ARHGAP39: variants seen among roughly 807,000 people sequenced by gnomAD.
ARHGAP39 encodes the protein rho GTPase-activating protein 39.
In ARHGAP39, 44 loss-of-function variants were observed where a neutral mutation model predicts 106.9. The ratio of observed to expected loss-of-function variants is 0.41; its 90% CI spans 0.32 to 0.53. The LOEUF (loss-of-function observed/expected upper bound fraction) is 0.53. Among genes scored for constraint, ARHGAP39 ranks in the 20% least tolerant of loss-of-function variants. The pLI is 0.21. For synonymous variants in ARHGAP39, 768 were observed against 693.2 expected (o/e 1.11, Z -1.69); for missense variants, 1,496 against 1,577.3 (o/e 0.95, Z 0.87).
chr8:144,618,047 G>A (rs940909920), intron 1 of ARHGAP39, among the ~76,000 whole-genome samples: 1 of 152,182 alleles, frequency 6.6e-6, no homozygotes, highest in African/African-American at 2.4e-5. Flanking sequence ...CTCCCAAAGT[G>A]CTGGGATTCC....
At chr8:144,611,554 T>C (rs1820490552) in intron 1 of ARHGAP39, among the ~76,000 whole-genome samples, 1 of 152,264 alleles carries the variant, frequency 6.6e-6, no homozygotes. Flanking sequence ...TTACAGTGTC[T>C]TCTTGATGAA....
chr8:144,545,232 C>A lies in ARHGAP39; in HGVS notation c.2521+17G>T. 1 of 1,493,274 alleles carries A rather than the reference C, an allele frequency of 6.7e-7. No homozygotes were observed. Among genetic ancestry groups the A allele is most frequent in the Non-Finnish European group, 9.0e-7 (1 of 1,113,710 alleles). 92.5% of individuals were successfully genotyped at this position (1,493,274 alleles called of 1,614,324 possible). A position where few individuals can be genotyped will look rare whatever the true frequency, so the allele number is the denominator to read the frequency against. The stretch of plus-strand genomic sequence containing the variant: ...GCCCTTACCTGAGCTGGTGGCAAAG[C>A]CCGTGCATGGCCTTACCTTTAGTGT... On this transcript the variant is annotated intron_variant, in intron 6 of 11. Transcript: ENST00000377307.
chr8:144,564,359 TC>T (rs1435291179), intron 3 of ARHGAP39, among the ~76,000 whole-genome samples: 1 of 152,202 alleles, frequency 6.6e-6, no homozygotes, highest in Non-Finnish European at 1.5e-5. Flanking sequence ...ACTTGGTGCT[TC>T]CCCTGCTGGG....
At chr8:144,654,460 C>T (rs903851895) in intron 1 of ARHGAP39, among the ~76,000 whole-genome samples, 2 of 152,172 alleles carry the variant, frequency 1.3e-5, no homozygotes, top group African/African-American at 4.8e-5. Context: ...TCTGTGATCA[C>T]ACTACTGCAT....
chr8:144,565,764 CAT>C (rs1818371405), intron 3 of ARHGAP39, among the ~76,000 whole-genome samples: 1 of 152,008 alleles, frequency 6.6e-6, no homozygotes, highest in African/African-American at 2.4e-5. Context: ...TGACCTGACA[CAT>C]AACTGCAGTG....
chr8:144,577,944 C>T (rs1248724800), intron 3 of ARHGAP39, among the ~76,000 whole-genome samples: 1 of 152,120 alleles, frequency 6.6e-6, no homozygotes, highest in African/African-American at 2.4e-5. Flanking sequence ...TATCAGCTTA[C>T]AGATCCAACA....
intron 1 of ARHGAP39, among the ~76,000 whole-genome samples, chr8:144,620,508 C>T (rs11993550): frequency 4.7e-4 from 59 of 126,298 alleles, no homozygotes; most frequent in African/African-American, 1.4e-3. Context: ...CAAGGGAGCA[C>T]GTGTGCCCGT....
At chr8:144,662,521 C>A (rs571438687) in intron 1 of ARHGAP39, among the ~76,000 whole-genome samples, 5 of 149,866 alleles carry the variant, frequency 3.3e-5, no homozygotes, top group African/African-American at 1.2e-4. Flanking sequence ...CAGCATTATC[C>A]ACCTTGAACC....
Position 144,586,983 on chromosome 8 carries a change from C to T in ARHGAP39, c.81-5706G>A, listed in dbSNP as rs1242401366. The stretch of plus-strand genomic sequence containing the variant: ...GGAGGTAACTGAATCATGGGGGTGG[C>T]CTCCCCCATCCTGTTCTCGTGATAG... On this transcript the variant is annotated intron_variant, in intron 2 of 11. Coordinates refer to ENST00000377307, the MANE Select transcript of ARHGAP39 (RefSeq NM_025251.3). The surrounding 1 kb of genome is among the most constrained non-coding windows in gnomAD (Gnocchi z 4.2). Among the ~76,000 whole-genome samples the T allele has an allele frequency of 6.6e-6, 1 of 152,114 alleles. No individual in the cohort carries two copies. Among genetic ancestry groups the T allele is most frequent in the Non-Finnish European group, 1.5e-5 (1 of 68,024 alleles).
At chr8:144,693,514 C>T in the ARHGAP39 span, among the ~76,000 whole-genome samples, 7 of 152,168 alleles carry the variant, frequency 4.6e-5, no homozygotes, top group African/African-American at 1.7e-4. Flanking sequence ...GCTGGGACTA[C>T]AGGCGCCCGC....
intron 1 of ARHGAP39, among the ~76,000 whole-genome samples, chr8:144,627,201 G>T (rs1442022440): frequency 1.3e-5 from 2 of 152,194 alleles, no homozygotes. Context: ...GGACACAGGA[G>T]GGGGCTCTGG....
rs549276683 is a variant in ARHGAP39 at position 144,604,165 on chromosome 8, C to A, written c.80+1370G>T. 1.3e-5 allele frequency among the ~76,000 whole-genome samples: 2 copies of A among 152,304 alleles called. No individual in the cohort carries two copies. The highest frequency in any genetic ancestry group is 6.5e-5 in the Admixed American group (1 of 15,302). On this transcript the variant is annotated intron_variant, in intron 2 of 11. Coordinates refer to ENST00000377307, the MANE Select transcript of ARHGAP39 (RefSeq NM_025251.3). The surrounding 1 kb of genome is among the most constrained non-coding windows in gnomAD (Gnocchi z 4.1). ...GAGGCACAAAGCATCAGACACGGAGCCGGGCCCAGAGCGCCCAGAGGTGGC... is the reference window on the plus strand; with the variant it reads ...GAGGCACAAAGCATCAGACACGGAGACGGGCCCAGAGCGCCCAGAGGTGGC...
intron 2 of ARHGAP39, among the ~76,000 whole-genome samples, chr8:144,582,954 G>A (rs191688282): frequency 5.0e-4 from 76 of 152,252 alleles, no homozygotes; most frequent in Non-Finnish European, 9.7e-4. Flanking sequence ...CAAATGCCTC[G>A]GCTTGCTCGG....
chr8:144,672,487 G>A (rs773986106), intron 1 of ARHGAP39, among the ~76,000 whole-genome samples: 3 of 152,188 alleles, frequency 2.0e-5, no homozygotes, highest in Non-Finnish European at 4.4e-5. Context: ...TGGCAAGAAA[G>A]GAAAATAGAC....
intron 1 of ARHGAP39, among the ~76,000 whole-genome samples, chr8:144,665,940 G>T (rs951583754): frequency 2.0e-5 from 3 of 152,176 alleles, no homozygotes; most frequent in African/African-American, 4.8e-5. Context: ...AGCTTGCACC[G>T]TGTGCCTGGA....
At chr8:144,597,336 A>G (rs1360909791) in intron 2 of ARHGAP39, among the ~76,000 whole-genome samples, 3 of 152,102 alleles carry the variant, frequency 2.0e-5, no homozygotes, top group Admixed American at 6.5e-5. Flanking sequence ...CCAAAGCCCA[A>G]CGTCTTCTCT....
At chr8:144,588,274 G>A (rs1173165413) in intron 2 of ARHGAP39, among the ~76,000 whole-genome samples, 1 of 152,262 alleles carries the variant, frequency 6.6e-6, no homozygotes, top group Non-Finnish European at 1.5e-5. Flanking sequence ...CCTGCGTGAG[G>A]GAACCAGGCA....
chr8:144,613,842 C>G (rs564054101), intron 1 of ARHGAP39, among the ~76,000 whole-genome samples: 2 of 152,332 alleles, frequency 1.3e-5, no homozygotes, highest in East Asian at 3.9e-4. Flanking sequence ...ATCATGTCCT[C>G]AAACAATTCT....
At chr8:144,538,096 G>A (rs1225925808) in intron 6 of ARHGAP39, among the ~76,000 whole-genome samples, 2 of 152,212 alleles carry the variant, frequency 1.3e-5, no homozygotes, top group Non-Finnish European at 1.5e-5. Flanking sequence ...ACACAGGGAA[G>A]GCGCCTGGGG....
Sources: allele counts gnomAD v4.1 joint callset (sites outside exome capture counted in the v4.1 genomes callset), GRCh38; gene constraint gnomAD v4.1.1; non-coding constraint Gnocchi (gnomAD v3.1); transcripts MANE v1.5; gene names NCBI Gene and HGNC (gene_info 2026-07-23, HGNC 2026-07-21).